Variants in HS6ST2 observed in about 807,000 individuals in gnomAD.
HS6ST2 encodes heparan-sulfate 6-O-sulfotransferase 2.
A neutral mutation model predicts 33.0 loss-of-function variants in HS6ST2; 17 were observed. The observed-to-expected ratio is 0.52, with a 90% CI of 0.35 to 0.77. The LOEUF is 0.77. Among genes scored for constraint, HS6ST2 ranks in the 30% least tolerant of loss-of-function variants. HS6ST2 has a pLI of 0.01. For synonymous variants in HS6ST2, 248 were observed against 237.1 expected, an observed-to-expected ratio of 1.05 and a Z score of -0.42; for missense variants, 519 against 551.7, an observed-to-expected ratio of 0.94 and a Z score of 0.59.
intron 2 of HS6ST2, among the ~76,000 whole-genome samples, chrX:132,904,471 T>A (rs1441285245): frequency 9.4e-6 from 1 of 106,777 alleles, no homozygotes; most frequent in East Asian, 3.0e-4. Flanking sequence ...ATGCATATCT[T>A]CCACTTTATT....
In HS6ST2 at chrX:132,708,463, T is replaced by A. The variant is rs1419329890; in HGVS notation, c.979A>T (p.Ser327Cys). The change falls in exon 3 of 5, where the codon AGT becomes TGT. Residue 327 changes from serine to cysteine, a missense_variant and splice_region_variant. Transcript: ENST00000370833. Reference protein sequence around the residue: ...WRIFQILDAASKDKRGSPNTN... With the variant: ...WRIFQILDAACKDKRGSPNTN... ...AACTAAAAATACATTGTTACTTACC[T>A]TGCTGCATCTAGAATCTGAAAAATC... 1 of 1,176,713 alleles carries A rather than the reference T, an allele frequency of 8.5e-7. No individual in the cohort carries two copies. Among genetic ancestry groups the A allele is most frequent in the Admixed American group, 2.4e-5 (1 of 42,024 alleles).
At chrX:132,873,132 A>G (rs1201102772) in intron 2 of HS6ST2, among the ~76,000 whole-genome samples, 1 of 111,853 alleles carries the variant, frequency 8.9e-6, no homozygotes, top group Non-Finnish European at 1.9e-5. Flanking sequence ...CTATTTTGCG[A>G]TGGGGTGCTC....
chrX:132,644,560 C>T (rs1158438713), intron 4 of HS6ST2, among the ~76,000 whole-genome samples: 7 of 111,112 alleles, frequency 6.3e-5, no homozygotes, highest in Non-Finnish European at 5.7e-5. Flanking sequence ...GCTGCATACT[C>T]CATTTCTCTT....
At chrX:132,672,239 G>T (rs2063888173) in intron 3 of HS6ST2, among the ~76,000 whole-genome samples, 1 of 99,962 alleles carries the variant, frequency 1.0e-5, no homozygotes. Context: ...CAATCCCAGG[G>T]ATTTACAAGA....
chrX:132,918,220 C>T (rs763497154), intron 2 of HS6ST2, among the ~76,000 whole-genome samples: 2 of 112,379 alleles, frequency 1.8e-5, no homozygotes, highest in South Asian at 3.7e-4. Flanking sequence ...AACAGAGGGG[C>T]TTCTTTTGGT....
chrX:132,947,461 T>A (rs933875791), intron 2 of HS6ST2, among the ~76,000 whole-genome samples: 1 of 111,270 alleles, frequency 9.0e-6, no homozygotes, highest in Non-Finnish European at 1.9e-5. Flanking sequence ...GTATTAAGCA[T>A]ATGCAAGTTT....
intron 2 of HS6ST2, among the ~76,000 whole-genome samples, chrX:132,901,193 C>T (rs908317678): frequency 8.9e-6 from 1 of 111,861 alleles, no homozygotes; most frequent in African/African-American, 3.3e-5. Flanking sequence ...ATCTTGATTG[C>T]AGCCTTGTGA....
intron 2 of HS6ST2, among the ~76,000 whole-genome samples, chrX:132,796,660 G>A (rs2065183196): frequency 8.9e-6 from 1 of 112,297 alleles, no homozygotes; most frequent in Non-Finnish European, 1.9e-5. Flanking sequence ...CCAGCCAGAT[G>A]GTCACTATTA....
Position 132,958,350 on chromosome X carries a change from G to C in HS6ST2, c.253C>G (p.Pro85Ala), listed in dbSNP as rs1834018646. ...SSSLAGAACA[P>A]LFALLSRGRR... The stretch of plus-strand genomic sequence containing the variant: ...CCCCGGGACAGCAGCGCGAAAAGCG[G>C]GGCGCACGCGGCTCCCGCCAGGGAA... The change falls in exon 1 of 5, where the codon CCG becomes GCG. Residue 85 changes from proline (P) to alanine (A), a missense_variant. By Grantham distance (27) the Pro-to-Ala change is conservative. Transcript: ENST00000370833. 8.3e-7 allele frequency: 1 copy of C among 1,198,782 alleles called. No homozygotes were observed. The highest frequency in any genetic ancestry group is 1.1e-6 in the Non-Finnish European group (1 of 893,632).
intron 2 of HS6ST2, among the ~76,000 whole-genome samples, chrX:132,745,162 T>G (rs941155857): frequency 5.4e-5 from 6 of 111,519 alleles, no homozygotes; most frequent in Non-Finnish European, 9.4e-5. Flanking sequence ...CTTGGCTCAC[T>G]GTAACCTCTG....
At chrX:132,634,090 T>C (rs1213640436) in intron 4 of HS6ST2, among the ~76,000 whole-genome samples, 1 of 112,372 alleles carries the variant, frequency 8.9e-6, no homozygotes, top group Non-Finnish European at 1.9e-5. Flanking sequence ...TGGCCCTGTT[T>C]AATCTCTTCT....
intron 3 of HS6ST2, among the ~76,000 whole-genome samples, chrX:132,682,085 C>T (rs745838512): frequency 8.9e-6 from 1 of 112,308 alleles, no homozygotes; most frequent in Non-Finnish European, 1.9e-5. Context: ...GTAGGAAGAA[C>T]CTGCCCTATC....
rs1389539795 is a variant in HS6ST2 at position 132,729,338 on chromosome X, A to AG, written c.948-20845dup. ...TTTAAATAAAGAGGGGATACAGTGA[A>AG]GGGGGAGGGAGTGAGAGAAGAGCTG... is the stretch of plus-strand genomic sequence containing the variant. On this transcript the variant is annotated intron_variant, in intron 2 of 4. Coordinates refer to ENST00000370833, the MANE Select transcript of HS6ST2 (RefSeq NM_001394073.1). Among the ~76,000 whole-genome samples, 3 of 112,044 alleles carry AG rather than the reference A, an allele frequency of 2.7e-5. No homozygotes were observed. In the East Asian group the frequency reaches 8.4e-4, roughly 31 times the overall value.
At chrX:132,800,065 T>C (rs907343330) in intron 2 of HS6ST2, among the ~76,000 whole-genome samples, 2 of 111,975 alleles carry the variant, frequency 1.8e-5, no homozygotes, top group Non-Finnish European at 3.8e-5. Flanking sequence ...CTGTAGAGCA[T>C]GGGTCCCCAA....
At chrX:132,800,999 C>A (rs2065229728) in intron 2 of HS6ST2, among the ~76,000 whole-genome samples, 1 of 111,692 alleles carries the variant, frequency 9.0e-6, no homozygotes, top group African/African-American at 3.3e-5. Flanking sequence ...GCCTCCCCAG[C>A]CCTGTGGAAC....
At chrX:132,728,828 A>G (rs1413557322) in intron 2 of HS6ST2, among the ~76,000 whole-genome samples, 1 of 112,462 alleles carries the variant, frequency 8.9e-6, no homozygotes, top group East Asian at 2.8e-4. Context: ...AATCTAGGAA[A>G]TAAATAATGA....
At chrX:132,890,558 G>T (rs981444475) in intron 2 of HS6ST2, among the ~76,000 whole-genome samples, 1 of 109,601 alleles carries the variant, frequency 9.1e-6, no homozygotes, top group African/African-American at 3.3e-5. Flanking sequence ...GAATGGTTTG[G>T]TGTGCTCAGA....
chrX:132,670,053 C>G (rs1002646908), intron 3 of HS6ST2, among the ~76,000 whole-genome samples: 1 of 111,633 alleles, frequency 9.0e-6, no homozygotes, highest in Non-Finnish European at 1.9e-5. Context: ...CCTTTCTCTC[C>G]ACTTGAAGAT....
Position 132,646,216 on chromosome X carries a change from C to G in HS6ST2, c.1068-17123G>C, listed in dbSNP as rs73558183. 4.4e-3 allele frequency among the ~76,000 whole-genome samples: 495 copies of G among 112,077 alleles called. 3 individuals carry two copies. Among genetic ancestry groups the G allele is most frequent in the African/African-American group, 0.016 (480 of 30,830 alleles). Reference sequence around the variant, plus strand: ...GAGTGCTGGGAAGCACAGCCCCTCCCCAACACAGTTGGCCAGCAATCCACA... The same window carrying G: ...GAGTGCTGGGAAGCACAGCCCCTCCGCAACACAGTTGGCCAGCAATCCACA... On this transcript the variant is annotated intron_variant, in intron 4 of 4. Transcript: ENST00000370833.
Sources: gnomAD v4.1 joint callset for allele counts (sites outside exome capture counted in the v4.1 genomes callset) on GRCh38, gnomAD v4.1.1 for gene constraint, MANE v1.5 for transcripts, NCBI Gene and HGNC (gene_info 2026-07-23, HGNC 2026-07-21) for gene names.